Variants in DRC8 observed in about 807,000 individuals in gnomAD.
DRC8 encodes the protein dynein regulatory complex subunit 8.
At chr1:245,083,489 G>A in the DRC8 span, 1 of 1,612,926 alleles carries the variant, frequency 6.2e-7, no homozygotes. Flanking sequence ...TTTGAGGTAT[G>A]TAAACTCCAG....
chr1:245,017,346 T>G, the DRC8 span: 9 of 1,571,612 alleles, frequency 5.7e-6, no homozygotes, highest in South Asian at 1.2e-5. Context: ...TATTTTTTTT[T>G]TTGTTACACT....
At chr1:245,038,342 C>T in the DRC8 span, among the ~76,000 whole-genome samples, 3 of 152,028 alleles carry the variant, frequency 2.0e-5, no homozygotes, top group Admixed American at 6.6e-5. Context: ...TGGTGGCAGG[C>T]GCCTGTAGTC....
chr1:245,083,979 A>G, the DRC8 span: 391 of 245,672 alleles, frequency 1.6e-3, 2 homozygotes, highest in South Asian at 6.6e-3. Flanking sequence ...AAGATATGCC[A>G]TCTGGAAAAC....
At chr1:245,008,355 C>G in the DRC8 span, among the ~76,000 whole-genome samples, 3 of 151,946 alleles carry the variant, frequency 2.0e-5, no homozygotes, top group African/African-American at 7.3e-5. Flanking sequence ...GAAAATAAAA[C>G]AGAGCATTAG....
chr1:245,081,612 G>A, the DRC8 span, among the ~76,000 whole-genome samples: 1 of 152,068 alleles, frequency 6.6e-6, no homozygotes, highest in Non-Finnish European at 1.5e-5. Flanking sequence ...TGGATTACAG[G>A]TGTGCGCCAC....
chr1:244,970,857 A>C, the DRC8 span: 20 of 245,122 alleles, frequency 8.2e-5, no homozygotes, highest in East Asian at 1.8e-4. Context: ...GGTGCTGATA[A>C]TGGCGTCGTT....
the DRC8 span, among the ~76,000 whole-genome samples, chr1:245,050,497 T>C: frequency 1.3e-5 from 2 of 152,188 alleles, no homozygotes; most frequent in Non-Finnish European, 2.9e-5. Context: ...GAATATTAAC[T>C]CTACGTGATC....
At chr1:245,070,471 G>C in the DRC8 span, among the ~76,000 whole-genome samples, 2 of 152,202 alleles carry the variant, frequency 1.3e-5, no homozygotes, top group Non-Finnish European at 2.9e-5. Flanking sequence ...CCAAGGCAGT[G>C]ATGGGTTACT....
At chr1:245,051,896 G>A in the DRC8 span, among the ~76,000 whole-genome samples, 1,959 of 135,104 alleles carry the variant, frequency 0.014, 40 homozygotes, top group African/African-American at 0.045. Context: ...CCAAGGCTAC[G>A]AGCACGAGGC....
At chr1:245,005,476 G>A in the DRC8 span, among the ~76,000 whole-genome samples, 1 of 151,670 alleles carries the variant, frequency 6.6e-6, no homozygotes, top group Non-Finnish European at 1.5e-5. Flanking sequence ...TCAGCCTCCT[G>A]AGTAGCTGGG....
chr1:245,100,994 C>T, the DRC8 span, among the ~76,000 whole-genome samples: 2 of 152,086 alleles, frequency 1.3e-5, no homozygotes, highest in African/African-American at 4.8e-5. Context: ...CAGCGATTCT[C>T]CTGCCTCAGC....
chr1:245,104,002 T>C, the DRC8 span, among the ~76,000 whole-genome samples: 1 of 151,928 alleles, frequency 6.6e-6, no homozygotes. Context: ...CCAGCGACAA[T>C]GACTGGGTGG....
At chr1:245,116,334 G>A in the DRC8 span, among the ~76,000 whole-genome samples, 124 of 152,238 alleles carry the variant, frequency 8.1e-4, no homozygotes, top group African/African-American at 2.9e-3. Context: ...GCTGCAGCGA[G>A]CCTTGACTGA....
the DRC8 span, among the ~76,000 whole-genome samples, chr1:244,990,134 A>G: frequency 2.6e-5 from 4 of 152,236 alleles, no homozygotes; most frequent in Admixed American, 6.5e-5. Flanking sequence ...CATCAGGTCA[A>G]CAGTAGCCTG....
chr1:245,059,315 A>G, the DRC8 span: 1 of 1,040,550 alleles, frequency 9.6e-7, no homozygotes, highest in South Asian at 1.3e-5. Context: ...ATATGCTCTG[A>G]GATAATTTGG....
chr1:245,111,863 C>T, the DRC8 span, among the ~76,000 whole-genome samples: 1 of 152,002 alleles, frequency 6.6e-6, no homozygotes, highest in African/African-American at 2.4e-5. Context: ...TAGTGAGACT[C>T]CGTGTCTATA....
chr1:244,973,737 T>C, the DRC8 span, among the ~76,000 whole-genome samples: 1 of 152,206 alleles, frequency 6.6e-6, no homozygotes. Context: ...ATCCTTAATA[T>C]TGAGATTTCT....
the DRC8 span, chr1:244,970,674 G>A: frequency 8.2e-6 from 3 of 364,520 alleles, no homozygotes; most frequent in East Asian, 4.6e-5. Context: ...CCCCCGCCCC[G>A]CCCCGCCTCT....
At chr1:245,117,421 T>G in the DRC8 span, among the ~76,000 whole-genome samples, 1 of 152,020 alleles carries the variant, frequency 6.6e-6, no homozygotes, top group African/African-American at 2.4e-5. Context: ...TATTTTAATT[T>G]TATTTTATTT....
Sources: gnomAD v4.1 joint callset for allele counts (sites outside exome capture counted in the v4.1 genomes callset) on GRCh38, gnomAD v4.1.1 for gene constraint, MANE v1.5 for transcripts, NCBI Gene and HGNC (gene_info 2026-07-23, HGNC 2026-07-21) for gene names.